LMX1A: variants seen among roughly 807,000 people sequenced by gnomAD.
The protein encoded by LMX1A is LIM homeobox transcription factor 1 alpha, also known as LIM homeobox transcription factor 1-alpha.
LMX1A carries 15 observed loss-of-function variants against 49.1 expected under a neutral mutation model. That is an observed-to-expected ratio of 0.31 (90% confidence interval 0.20 to 0.47). The LOEUF is 0.47. Among genes scored for constraint, LMX1A ranks in the 20% least tolerant of loss-of-function variants. LMX1A has a pLI of 1.00. For missense variants in LMX1A, 372 were observed against 475.8 expected, an observed-to-expected ratio of 0.78 and a Z score of 2.03; for synonymous variants, 167 against 185.7, an observed-to-expected ratio of 0.90 and a Z score of 0.82.
chr1:165,245,498 A>G (rs1652815237), intron 4 of LMX1A, among the ~76,000 whole-genome samples: 1 of 150,654 alleles, frequency 6.6e-6, no homozygotes, highest in African/African-American at 2.5e-5. Context: ...TACTTAATAT[A>G]CTGAGTCTCT....
chr1:165,340,405 G>A (rs902118063), intron 3 of LMX1A, among the ~76,000 whole-genome samples: 7 of 152,046 alleles, frequency 4.6e-5, no homozygotes, highest in East Asian at 1.9e-4. Flanking sequence ...CCAAAACTAC[G>A]CTTGGTAAGG....
chr1:165,215,670 T>G (rs1651617282), intron 4 of LMX1A, among the ~76,000 whole-genome samples: 1 of 152,218 alleles, frequency 6.6e-6, no homozygotes, highest in East Asian at 1.9e-4. Context: ...AATGGCTTCT[T>G]CCTTCCACGA....
chr1:165,225,385 G>A (rs1042257553), intron 4 of LMX1A, among the ~76,000 whole-genome samples: 7 of 152,152 alleles, frequency 4.6e-5, no homozygotes, highest in Non-Finnish European at 7.4e-5. Context: ...ACAATCATTC[G>A]GAAATTATTT....
At chr1:165,256,852 T>C (rs16841730) in intron 3 of LMX1A, among the ~76,000 whole-genome samples, 2,057 of 151,936 alleles carry the variant, frequency 0.014, 47 homozygotes, top group African/African-American at 0.047. Flanking sequence ...AAAGAAGCAC[T>C]GAATTTCGGG....
At chr1:165,326,875 C>A (rs1336603956) in intron 3 of LMX1A, among the ~76,000 whole-genome samples, 1 of 152,208 alleles carries the variant, frequency 6.6e-6, no homozygotes, top group African/African-American at 2.4e-5. Context: ...TCACAATTGG[C>A]ATCAAGTGGG....
At chr1:165,261,259 T>C (rs996618331) in intron 3 of LMX1A, among the ~76,000 whole-genome samples, 1 of 152,198 alleles carries the variant, frequency 6.6e-6, no homozygotes, top group African/African-American at 2.4e-5. Context: ...AATATTTATA[T>C]CCTTCAATTT....
chr1:165,260,321 T>C (rs976010832), intron 3 of LMX1A, among the ~76,000 whole-genome samples: 1 of 152,014 alleles, frequency 6.6e-6, no homozygotes, highest in Non-Finnish European at 1.5e-5. Context: ...TTGCAAAGAA[T>C]GTATATTTCC....
chr1:165,255,961 A>G (rs1653220749), intron 3 of LMX1A, among the ~76,000 whole-genome samples: 1 of 151,922 alleles, frequency 6.6e-6, no homozygotes, highest in Non-Finnish European at 1.5e-5. Flanking sequence ...AACAAGAGCG[A>G]AACTCCGTCT....
intron 3 of LMX1A, among the ~76,000 whole-genome samples, chr1:165,333,440 T>C (rs1390230278): frequency 2.0e-5 from 3 of 152,204 alleles, no homozygotes; most frequent in African/African-American, 7.2e-5. Flanking sequence ...ATTACAGGCA[T>C]GAGCCACTGT....
chr1:165,337,907 T>TGTGTGTG lies in LMX1A; in HGVS notation c.263+15168_263+15169insCACACAC, dbSNP rs1553213782. 3.7e-3 allele frequency among the ~76,000 whole-genome samples: 566 copies of TGTGTGTG among 151,620 alleles called. 1 individual carries two copies. The highest frequency in any genetic ancestry group is 0.013 in the African/African-American group (528 of 41,268). On this transcript the variant is annotated intron_variant, in intron 3 of 8. Transcript: ENST00000342310. ...GTGTTTCTGTGTGTGTGTGTGTGTG[T>TGTGTGTG]TACTACCCCAGAAACGGCAACTCAA...
chr1:165,324,894 A>G (rs1655522457), intron 3 of LMX1A, among the ~76,000 whole-genome samples: 1 of 152,214 alleles, frequency 6.6e-6, no homozygotes, highest in Non-Finnish European at 1.5e-5. Context: ...TTGTGCTGAA[A>G]CATAGTAAGT....
intron 4 of LMX1A, among the ~76,000 whole-genome samples, chr1:165,223,784 T>C (rs1019860683): frequency 2.0e-5 from 3 of 150,106 alleles, no homozygotes; most frequent in Non-Finnish European, 4.4e-5. Flanking sequence ...TGGAAAACAG[T>C]ATCCTAAGCT....
At chr1:165,228,413 A>G (rs563345186) in intron 4 of LMX1A, among the ~76,000 whole-genome samples, 17 of 152,148 alleles carry the variant, frequency 1.1e-4, no homozygotes, top group Non-Finnish European at 2.5e-4. Flanking sequence ...TTGCATCTCA[A>G]CAACCTCATC....
intron 4 of LMX1A, among the ~76,000 whole-genome samples, chr1:165,232,954 T>C (rs1191881983): frequency 6.6e-6 from 1 of 152,166 alleles, no homozygotes; most frequent in Admixed American, 6.6e-5. Flanking sequence ...TCTCCTTAGG[T>C]GGTGTAGGAA....
Position 165,204,047 on chromosome 1 carries a change from T to C in LMX1A, c.989-7A>G. 1 of 1,613,736 alleles carries C rather than the reference T, an allele frequency of 6.2e-7. No homozygotes were observed. The highest frequency in any genetic ancestry group is 8.5e-7 in the Non-Finnish European group (1 of 1,179,916). On this transcript the variant is annotated splice_polypyrimidine_tract_variant and splice_region_variant and intron_variant, in intron 8 of 8. Coordinates refer to ENST00000342310, the MANE Select transcript of LMX1A (RefSeq NM_177398.4). Reference sequence around the variant, plus strand: ...TGGAAAAGGGGCTCGGCACCTGAAATGGAGATGAAACACTGGCATGAGGGT... The same window carrying C: ...TGGAAAAGGGGCTCGGCACCTGAAACGGAGATGAAACACTGGCATGAGGGT...
intron 3 of LMX1A, among the ~76,000 whole-genome samples, chr1:165,327,326 C>T (rs1571225117): frequency 6.6e-6 from 1 of 152,210 alleles, no homozygotes; most frequent in East Asian, 1.9e-4. Flanking sequence ...TGCAATACAA[C>T]CAAGCAGAGG....
intron 3 of LMX1A, among the ~76,000 whole-genome samples, chr1:165,271,989 C>T (rs1653808168): frequency 6.6e-6 from 1 of 152,090 alleles, no homozygotes; most frequent in South Asian, 2.1e-4. Context: ...AGATAGAGGA[C>T]ATTTTCTTTC....
rs149908681 is a variant in LMX1A, at chr1:165,213,730, G to A, written c.580C>T (p.Arg194Cys). The change falls in exon 5 of 9, where the codon CGC (arginine) becomes TGC (cysteine). Residue 194 changes from arginine to cysteine, a missense_variant. Physicochemically the swap from Arg to Cys is radical, Grantham distance 180. Around this residue, in one of 3 missense-constraint regions of LMX1A, gnomAD observed 199 missense variants for 244.0 expected, o/e 0.82. Transcript: ENST00000342310. ...GTAEEGKDHK[R>C]PKRPRTILTT... ...AAGATGGTTCTCGGACGTTTGGGGC[G>A]CTTATGGTCCTTGCCTTCCTCAGCA... 45 of 1,614,152 alleles carry A rather than the reference G, an allele frequency of 2.8e-5. No individual in the cohort carries two copies. Among genetic ancestry groups the A allele is most frequent in the Admixed American group, 5.0e-5 (3 of 60,028 alleles).
intron 3 of LMX1A, among the ~76,000 whole-genome samples, chr1:165,253,298 G>C (rs754296886): frequency 4.6e-5 from 7 of 152,146 alleles, no homozygotes; most frequent in Non-Finnish European, 1.0e-4. Context: ...ATGGCATAAA[G>C]CTATAGTATA....
Sources: allele counts gnomAD v4.1 joint callset (sites outside exome capture counted in the v4.1 genomes callset), GRCh38; gene constraint gnomAD v4.1.1; regional missense constraint gnomAD v4.1.1; transcripts MANE v1.5; gene names NCBI Gene and HGNC (gene_info 2026-07-23, HGNC 2026-07-21).